Variants in KDM4C observed in about 807,000 individuals in gnomAD.
The protein encoded by KDM4C is lysine demethylase 4C.
In KDM4C, 81 loss-of-function variants were observed where a neutral mutation model predicts 129.3. That is an observed-to-expected ratio of 0.63 (90% CI 0.52 to 0.75). The LOEUF (loss-of-function observed/expected upper bound fraction) is 0.75, where lower values mean the gene tolerates loss of function less well. Among genes scored for constraint, KDM4C ranks in the 30% least tolerant of loss-of-function variants. The pLI is 0.00. For missense variants in KDM4C, 1,457 were observed against 1,304.0 expected (o/e 1.12, Z -1.81); for synonymous variants, 573 against 456.1 (o/e 1.26, Z -3.26).
chr9:6,790,654 C>CA (rs1186296239), intron 1 of KDM4C, among the ~76,000 whole-genome samples: 748 of 65,206 alleles, frequency 0.011, 34 homozygotes, highest in African/African-American at 0.013. Context: ...TTAAATTCAG[C>CA]AAAAAAAAAA....
chr9:6,766,923 T>G (rs1820741786), intron 1 of KDM4C, among the ~76,000 whole-genome samples: 1 of 152,144 alleles, frequency 6.6e-6, no homozygotes, highest in African/African-American at 2.4e-5. Context: ...CCTCCATCTT[T>G]GCATTTGTTT....
intron 8 of KDM4C, among the ~76,000 whole-genome samples, chr9:6,909,007 T>C (rs919477988): frequency 2.0e-5 from 3 of 152,246 alleles, no homozygotes; most frequent in African/African-American, 4.8e-5. Context: ...CTTATTGTCC[T>C]GTGACAGTTA....
At chr9:7,044,166 T>C (rs1829032782) in intron 15 of KDM4C, among the ~76,000 whole-genome samples, 1 of 152,012 alleles carries the variant, frequency 6.6e-6, no homozygotes, top group Non-Finnish European at 1.5e-5. Flanking sequence ...GAGATAGAAG[T>C]ACCTGAGCCA....
chr9:6,863,902 T>G (rs1263393244), intron 5 of KDM4C, among the ~76,000 whole-genome samples: 1 of 151,814 alleles, frequency 6.6e-6, no homozygotes, highest in Non-Finnish European at 1.5e-5. Flanking sequence ...ACCGTGAAGA[T>G]GGCACCAAGC....
intron 17 of KDM4C, among the ~76,000 whole-genome samples, chr9:7,069,202 C>T (rs912947926): frequency 2.6e-5 from 4 of 152,262 alleles, no homozygotes; most frequent in Admixed American, 6.5e-5. Context: ...TATTACACTA[C>T]TAATACCATT....
At chr9:6,818,166 A>G (rs1234997478) in intron 4 of KDM4C, among the ~76,000 whole-genome samples, 1 of 152,218 alleles carries the variant, frequency 6.6e-6, no homozygotes, top group Admixed American at 6.5e-5. Context: ...GTTTACCACC[A>G]AAGAGTTGAG....
intron 17 of KDM4C, among the ~76,000 whole-genome samples, chr9:7,085,305 A>AT (rs1336567822): frequency 3.3e-5 from 5 of 151,916 alleles, no homozygotes; most frequent in African/African-American, 7.3e-5. Flanking sequence ...AAAACAAATG[A>AT]TTTTTTTTCA....
intron 8 of KDM4C, among the ~76,000 whole-genome samples, chr9:6,958,819 C>G (rs1304480420): frequency 6.6e-6 from 1 of 151,908 alleles, no homozygotes; most frequent in African/African-American, 2.4e-5. Flanking sequence ...CAGGTGCGCA[C>G]CACCACACTG....
At chr9:6,901,362 G>A (rs542080710) in intron 8 of KDM4C, among the ~76,000 whole-genome samples, 6 of 152,268 alleles carry the variant, frequency 3.9e-5, no homozygotes, top group Non-Finnish European at 8.8e-5. Flanking sequence ...ATCTCAAAAG[G>A]GCTCTTACCT....
intron 2 of KDM4C, among the ~76,000 whole-genome samples, chr9:6,804,110 ACTACGGCTGGCTGTTACCTT>A (rs1382639705): frequency 6.6e-6 from 1 of 152,264 alleles, no homozygotes; most frequent in Non-Finnish European, 1.5e-5. Context: ...GGTGTGAGCC[ACTACGGCTGGCTGTTACCTT>A]CTACTTTTAA....
At chr9:6,757,555 G>A (rs1305606781), upstream of KDM4C, 1 of 889,254 alleles carries the variant, frequency 1.1e-6, no homozygotes, top group Non-Finnish European at 1.3e-6. Context: ...GGAGAGCTGC[G>A]AGCCCCGACT....
intron 18 of KDM4C, among the ~76,000 whole-genome samples, chr9:7,121,313 A>G (rs535027561): frequency 1.3e-5 from 2 of 152,180 alleles, no homozygotes; most frequent in South Asian, 2.1e-4. Flanking sequence ...GCCTGTGGTC[A>G]GTGTGATCTC....
intron 4 of KDM4C, among the ~76,000 whole-genome samples, chr9:6,842,871 G>T (rs1040836469): frequency 5.3e-5 from 8 of 152,114 alleles, no homozygotes; most frequent in Non-Finnish European, 1.2e-4. Flanking sequence ...ACCTGAGTTT[G>T]TAAGTCCTGC....
chr9:7,047,106 C>T (rs1294907823), intron 16 of KDM4C, among the ~76,000 whole-genome samples, 189 bp downstream of exon 16: 1 of 152,016 alleles, frequency 6.6e-6, no homozygotes. Context: ...AGGGCAAGAG[C>T]AGTCCAAGTT....
At chr9:6,830,224 C>G (rs1421848200) in intron 4 of KDM4C, among the ~76,000 whole-genome samples, 2 of 152,120 alleles carry the variant, frequency 1.3e-5, no homozygotes, top group Non-Finnish European at 1.5e-5. Context: ...TGTGAGGAAA[C>G]CAGGATAACC....
At chr9:6,978,209 G>C (rs575497888) in intron 8 of KDM4C, among the ~76,000 whole-genome samples, 3 of 152,192 alleles carry the variant, frequency 2.0e-5, no homozygotes, top group Non-Finnish European at 1.5e-5. Flanking sequence ...TAGCTTGTCA[G>C]TGTTGAAGCT....
At chr9:6,879,622 TC>T (rs1212872030) in intron 5 of KDM4C, among the ~76,000 whole-genome samples, 1 of 152,088 alleles carries the variant, frequency 6.6e-6, no homozygotes, top group East Asian at 1.9e-4. Context: ...AAAGCCAAAA[TC>T]AACCAACCAC....
chr9:7,021,003 C>G (rs915613568), intron 15 of KDM4C, among the ~76,000 whole-genome samples: 2 of 151,200 alleles, frequency 1.3e-5, no homozygotes, highest in African/African-American at 4.9e-5. Flanking sequence ...CCTCTGGTAA[C>G]CATCCTCCTA....
chr9:7,099,516 A>C (rs780265321), intron 17 of KDM4C, among the ~76,000 whole-genome samples: 1 of 152,170 alleles, frequency 6.6e-6, no homozygotes, highest in Non-Finnish European at 1.5e-5. Context: ...AGCCCTTGAC[A>C]CTGAAGAATA....
Sources: gnomAD v4.1 joint callset for allele counts (sites outside exome capture counted in the v4.1 genomes callset) on GRCh38, gnomAD v4.1.1 for gene constraint, MANE v1.5 for transcripts, NCBI Gene and HGNC (gene_info 2026-07-23, HGNC 2026-07-21) for gene names.